CACNA1C: variants seen among roughly 807,000 people sequenced by gnomAD.
The protein encoded by CACNA1C is calcium voltage-gated channel subunit alpha1 C, also known as voltage-dependent L-type calcium channel subunit alpha-1C.
A neutral mutation model predicts 229.0 loss-of-function variants in CACNA1C; 30 were observed. The ratio of observed to expected loss-of-function variants is 0.13; its 90% CI spans 0.10 to 0.18. The LOEUF is 0.18. CACNA1C is among the 10% of genes least tolerant of loss of function. CACNA1C has a pLI of 1.00. For missense variants in CACNA1C, 1,658 were observed against 2,845.0 expected (o/e 0.58, Z 9.49); for synonymous variants, 1,114 against 1,132.5 (o/e 0.98, Z 0.33).
chr12:2,202,488 T>C (rs906805413), intron 3 of CACNA1C, among the ~76,000 whole-genome samples: 1 of 152,246 alleles, frequency 6.6e-6, no homozygotes, highest in Non-Finnish European at 1.5e-5. Context: ...ATATTTCTTA[T>C]TTTAAGTCTT....
In CACNA1C at chr12:2,120,316, C is replaced by A; in HGVS notation, c.372-9C>A. The A allele has an allele frequency of 1.4e-6, 2 of 1,407,532 alleles. No individual in the cohort carries two copies. The highest frequency in any genetic ancestry group is 1.2e-5 in the South Asian group (1 of 86,812). 87.2% of individuals were successfully genotyped at this position (1,407,532 alleles called of 1,614,324 possible). ...CTGTGGCATTAACTTCCTTGACTCCCTTTCTCAGACCATTTGAAATAATTA... is the reference window on the plus strand; with the variant it reads ...CTGTGGCATTAACTTCCTTGACTCCATTTCTCAGACCATTTGAAATAATTA... On this transcript the variant is annotated splice_polypyrimidine_tract_variant and intron_variant, in intron 2 of 46. Transcript: ENST00000399655.
At chr12:2,471,662 G>C (rs1439504360) in intron 5 of CACNA1C, among the ~76,000 whole-genome samples, 1 of 151,844 alleles carries the variant, frequency 6.6e-6, no homozygotes, top group East Asian at 1.9e-4. Context: ...GGTTTCCACT[G>C]TCTCTGATGA....
intron 3 of CACNA1C, among the ~76,000 whole-genome samples, chr12:2,399,769 GA>G (rs1210350649): frequency 1.3e-5 from 2 of 152,180 alleles, no homozygotes; most frequent in Non-Finnish European, 2.9e-5. Context: ...CCTTGCCAGG[GA>G]CCCCACTCTT....
chr12:2,461,782 C>T (rs942369277), intron 5 of CACNA1C, among the ~76,000 whole-genome samples: 1 of 152,146 alleles, frequency 6.6e-6, no homozygotes, highest in Non-Finnish European at 1.5e-5. Flanking sequence ...TGAGCTTTAC[C>T]TTCCAAACAT....
At chr12:2,552,871 T>C (rs564092796) in intron 10 of CACNA1C, among the ~76,000 whole-genome samples, 15 of 151,700 alleles carry the variant, frequency 9.9e-5, no homozygotes, top group African/African-American at 3.1e-4. Flanking sequence ...GTAGCATGAG[T>C]GTGGGAAGCG....
chr12:2,599,303 C>T (rs552263592), intron 21 of CACNA1C, among the ~76,000 whole-genome samples: 26 of 152,288 alleles, frequency 1.7e-4, no homozygotes, highest in Non-Finnish European at 2.2e-4. Context: ...TCCCTCTTCC[C>T]GGCCTAAGGC....
At chr12:2,362,561 G>A (rs1433808277) in intron 3 of CACNA1C, among the ~76,000 whole-genome samples, 1 of 152,190 alleles carries the variant, frequency 6.6e-6, no homozygotes, top group Non-Finnish European at 1.5e-5. Flanking sequence ...TTCTCCTGCT[G>A]GGGTGCATGT....
chr12:2,242,887 T>G (rs2071194263), intron 3 of CACNA1C, among the ~76,000 whole-genome samples: 2 of 152,212 alleles, frequency 1.3e-5, no homozygotes, highest in African/African-American at 4.8e-5. Flanking sequence ...CCCTGTGTGG[T>G]TAGCAGGGGC....
intron 29 of CACNA1C, among the ~76,000 whole-genome samples, chr12:2,625,297 C>T (rs961719686): frequency 2.0e-5 from 3 of 152,184 alleles, no homozygotes; most frequent in African/African-American, 4.8e-5. Flanking sequence ...ATTATTCACA[C>T]GGTGTAAAAA....
chr12:2,160,949 G>GC (rs2154246477), intron 3 of CACNA1C, among the ~76,000 whole-genome samples: 1 of 152,352 alleles, frequency 6.6e-6, no homozygotes, highest in East Asian at 1.9e-4. Flanking sequence ...AGCCTCCTGA[G>GC]TAGCTGGGAC....
chr12:2,690,950 C>T lies in CACNA1C; in HGVS notation c.6168C>T (p.Ile2056=). 2 of 1,596,888 alleles carry T rather than the reference C, an allele frequency of 1.3e-6. No individual in the cohort carries two copies. The highest frequency in any genetic ancestry group is 1.7e-6 in the Non-Finnish European group (2 of 1,171,058). The change falls in exon 47 of 47, where the codon ATC becomes ATT. Residue 2056 remains isoleucine, a synonymous_variant. Coordinates refer to ENST00000399655, the MANE Select transcript of CACNA1C (RefSeq NM_000719.7). ...LGQFAQDPKF[I]EVTTQELADA... ...AGTTTGCTCAAGATCCCAAGTTCAT[C>T]GAGGTCACCACCCAGGAGCTGGCCG...
chr12:2,500,350 G>A (rs1334644575), intron 7 of CACNA1C, among the ~76,000 whole-genome samples: 4 of 152,234 alleles, frequency 2.6e-5, no homozygotes, highest in Non-Finnish European at 5.9e-5. Context: ...TGGCGCAGAA[G>A]AAAGGATTCC....
At position 2,634,342 on chromosome 12, in the gene CACNA1C, G is replaced by T. The variant is rs777138966; in HGVS notation, c.3874G>T (p.Val1292Leu). 1.9e-6 allele frequency: 3 copies of T among 1,585,388 alleles called. No individual in the cohort carries two copies. Among genetic ancestry groups the T allele is most frequent in the Non-Finnish European group, 2.6e-6 (3 of 1,163,864 alleles). The change falls in exon 30 of 47, where the codon GTG (valine) becomes TTG (leucine). Residue 1292 changes from valine (V) to leucine (L), a missense_variant. This residue lies in a region of CACNA1C where 38 missense variants were observed against 53.3 expected (regional missense o/e 0.71). Coordinates refer to ENST00000399655, the MANE Select transcript of CACNA1C (RefSeq NM_000719.7). Reference protein sequence around the residue: ...AWNTFDALIVVGSIVDIAITE... With the variant: ...AWNTFDALIVLGSIVDIAITE... Reference sequence around the variant, plus strand: ...GAATACATTTGACGCCTTGATTGTTGTGGGTAGCATTGTTGATATAGCAAT... The same window carrying T: ...GAATACATTTGACGCCTTGATTGTTTTGGGTAGCATTGTTGATATAGCAAT...
chr12:2,686,042 G>A (rs1423609573), intron 44 of CACNA1C, 124 bp from the exon 45 acceptor site: 2 of 895,196 alleles, frequency 2.2e-6, no homozygotes, highest in African/African-American at 1.6e-5. Context: ...CAGACGAGGG[G>A]AGGGGAAAGG....
At chr12:2,001,498 G>A (rs2042187388) in intron 1 of CACNA1C, among the ~76,000 whole-genome samples, 1 of 152,068 alleles carries the variant, frequency 6.6e-6, no homozygotes, top group Non-Finnish European at 1.5e-5. Context: ...TGCAAATTTT[G>A]GGGACTCTGC....
At chr12:2,333,544 A>G (rs1040885779) in intron 3 of CACNA1C, among the ~76,000 whole-genome samples, 3 of 152,216 alleles carry the variant, frequency 2.0e-5, no homozygotes, top group Admixed American at 6.5e-5. Flanking sequence ...ATGCCTGTGC[A>G]TAGGAAGCAT....
intron 1 of CACNA1C, among the ~76,000 whole-genome samples, chr12:2,099,688 T>C (rs1282855942): frequency 6.6e-6 from 1 of 152,154 alleles, no homozygotes; most frequent in African/African-American, 2.4e-5. Context: ...TTATTATATA[T>C]TGTATTTTCT....
At chr12:2,193,341 G>A (rs944583263) in intron 3 of CACNA1C, among the ~76,000 whole-genome samples, 1 of 152,222 alleles carries the variant, frequency 6.6e-6, no homozygotes, top group Non-Finnish European at 1.5e-5. Context: ...TGTCATCCCA[G>A]CTACTTGGGA....
chr12:2,204,033 G>T (rs2097680720), intron 3 of CACNA1C, among the ~76,000 whole-genome samples: 1 of 152,138 alleles, frequency 6.6e-6, no homozygotes, highest in Non-Finnish European at 1.5e-5. Flanking sequence ...AGCAGACGAG[G>T]GACATTTAAA....
Sources: gnomAD v4.1 joint callset for allele counts (sites outside exome capture counted in the v4.1 genomes callset) on GRCh38, gnomAD v4.1.1 for gene constraint, gnomAD v4.1.1 regional missense constraint, MANE v1.5 for transcripts, NCBI Gene and HGNC (gene_info 2026-07-23, HGNC 2026-07-21) for gene names.